SLC9A8: variants seen among roughly 807,000 people sequenced by gnomAD.
SLC9A8 encodes solute carrier family 9 member A8, also known as sodium/hydrogen exchanger 8.
A neutral mutation model predicts 66.6 loss-of-function variants in SLC9A8; 48 were observed. The observed-to-expected ratio is 0.72, with a 90% CI of 0.57 to 0.92. SLC9A8 has a LOEUF of 0.92. Ranked by LOEUF, SLC9A8 falls within the 40% of genes least tolerant of loss-of-function variation. The pLI is 0.00. For missense variants in SLC9A8, 599 were observed against 747.3 expected, an observed-to-expected ratio of 0.80 and a Z score of 2.31; for synonymous variants, 274 against 282.6, an observed-to-expected ratio of 0.97 and a Z score of 0.31.
At chr20:49,843,731 T>C (rs1471162789) in intron 4 of SLC9A8, among the ~76,000 whole-genome samples, 1 of 152,184 alleles carries the variant, frequency 6.6e-6, no homozygotes, top group Non-Finnish European at 1.5e-5. Flanking sequence ...CCTTTCGTAG[T>C]GGCACTTAAT....
intron 3 of SLC9A8, among the ~76,000 whole-genome samples, chr20:49,823,732 T>C (rs1471482188): frequency 6.6e-6 from 1 of 152,164 alleles, no homozygotes; most frequent in East Asian, 1.9e-4. Flanking sequence ...AAGTGGTTAG[T>C]GAAGGAAGAA....
chr20:49,873,439 G>A (rs574097970), intron 10 of SLC9A8, among the ~76,000 whole-genome samples: 55 of 143,572 alleles, frequency 3.8e-4, no homozygotes, highest in African/African-American at 1.4e-3. Flanking sequence ...CTGATACCAC[G>A]CCATTGCACT....
intron 14 of SLC9A8, among the ~76,000 whole-genome samples, chr20:49,885,843 A>G (rs1218858983): frequency 6.6e-6 from 1 of 152,110 alleles, no homozygotes; most frequent in Admixed American, 6.5e-5. Context: ...CCTCTTTACT[A>G]CCACGCTGAT....
intron 12 of SLC9A8, among the ~76,000 whole-genome samples, 165 bp downstream of exon 12, chr20:49,878,228 A>G (rs977036902): frequency 1.1e-4 from 16 of 152,060 alleles, no homozygotes; most frequent in African/African-American, 3.6e-4. Context: ...TCACAAACAT[A>G]CAGTAAGGGG....
chr20:49,812,860 A>G lies in SLC9A8; in HGVS notation c.-63A>G. ...CGCCCGCGCCTCCAGCGGAAGCCGG[A>G]AGCAAAAGCGGGTCCTGCTAGCCCC... On this transcript the variant is annotated 5_prime_UTR_variant, in exon 1 of 16. Coordinates refer to ENST00000361573, the MANE Select transcript of SLC9A8 (RefSeq NM_015266.3). 1.3e-6 allele frequency: 2 copies of G among 1,489,790 alleles called. No individual in the cohort carries two copies. Among genetic ancestry groups the G allele is most frequent in the Non-Finnish European group, 1.8e-6 (2 of 1,121,834 alleles). The allele number at this position is 1,489,790 out of a possible 1,614,324, so 92.3% of individuals were successfully genotyped here.
chr20:49,867,077 C>A (rs996814836), intron 10 of SLC9A8, among the ~76,000 whole-genome samples: 1 of 152,190 alleles, frequency 6.6e-6, no homozygotes, highest in Non-Finnish European at 1.5e-5. Flanking sequence ...TCCGTCATCT[C>A]TGTCAACTGT....
chr20:49,854,702 G>A (rs757857450), intron 7 of SLC9A8, among the ~76,000 whole-genome samples: 8 of 152,256 alleles, frequency 5.3e-5, no homozygotes, highest in Non-Finnish European at 8.8e-5. Flanking sequence ...TCATCATCCC[G>A]TTGTCCCTCG....
At chr20:49,887,488 C>G (rs2089932916) in intron 15 of SLC9A8, among the ~76,000 whole-genome samples, 1 of 152,322 alleles carries the variant, frequency 6.6e-6, no homozygotes, top group East Asian at 1.9e-4. Context: ...TCCCTGACAG[C>G]TGAGGAGATG....
intron 5 of SLC9A8, among the ~76,000 whole-genome samples, 184 bp from the exon 6 acceptor site, chr20:49,849,395 G>T (rs1347063669): frequency 6.6e-6 from 1 of 151,994 alleles, no homozygotes; most frequent in African/African-American, 2.4e-5. Flanking sequence ...TGTGAGTGAC[G>T]GGACACTGCA....
chr20:49,818,907 C>T (rs546584067), intron 2 of SLC9A8, among the ~76,000 whole-genome samples: 280 of 152,294 alleles, frequency 1.8e-3, no homozygotes, highest in Non-Finnish European at 3.3e-3. Context: ...TATTCTAGAC[C>T]TCAGAACTCC....
intron 3 of SLC9A8, 92 bp downstream of exon 3, chr20:49,823,233 C>A: frequency 2.2e-6 from 2 of 911,242 alleles, no homozygotes; most frequent in Non-Finnish European, 3.6e-6. Flanking sequence ...ACAAGAGATG[C>A]ATCACATCCC....
At chr20:49,883,375 G>T (rs918380261) in intron 13 of SLC9A8, among the ~76,000 whole-genome samples, 1 of 152,150 alleles carries the variant, frequency 6.6e-6, no homozygotes, top group Non-Finnish European at 1.5e-5. Flanking sequence ...GAGTGGCCCT[G>T]GGCGGGCCAT....
intron 2 of SLC9A8, 85 bp downstream of exon 2, chr20:49,815,274 G>A: frequency 8.5e-7 from 1 of 1,182,040 alleles, no homozygotes; most frequent in Non-Finnish European, 1.1e-6. Context: ...CACTCCTCTT[G>A]ACTGTCAAGT....
At chr20:49,873,803 C>T (rs1209106818) in intron 10 of SLC9A8, among the ~76,000 whole-genome samples, 1 of 145,226 alleles carries the variant, frequency 6.9e-6, no homozygotes, top group African/African-American at 2.5e-5. Flanking sequence ...AAAGAATCCA[C>T]ACATTCTCCA....
intron 3 of SLC9A8, among the ~76,000 whole-genome samples, chr20:49,831,618 G>A (rs1271627033): frequency 1.3e-5 from 2 of 152,268 alleles, no homozygotes; most frequent in Non-Finnish European, 2.9e-5. Flanking sequence ...CACGTCCCCC[G>A]CTGAATTCTC....
chr20:49,838,002 A>T (rs2087609105), intron 3 of SLC9A8, among the ~76,000 whole-genome samples: 2 of 151,716 alleles, frequency 1.3e-5, no homozygotes, highest in Admixed American at 1.3e-4. Flanking sequence ...ATGATACATT[A>T]TACTACCATA....
intron 8 of SLC9A8, among the ~76,000 whole-genome samples, chr20:49,860,493 G>T (rs2088686575): frequency 6.6e-6 from 1 of 152,058 alleles, no homozygotes; most frequent in South Asian, 2.1e-4. Flanking sequence ...AAGGCAGGTG[G>T]ATCACTTGAG....
chr20:49,830,196 A>G, intron 3 of SLC9A8: 2 of 796,178 alleles, frequency 2.5e-6, no homozygotes, highest in Non-Finnish European at 4.6e-6. Flanking sequence ...GGCAGCTGAC[A>G]GCACGGCCGT....
chr20:49,875,796 G>A lies in SLC9A8; in HGVS notation c.1075+975G>A, dbSNP rs185048234. 1.6e-4 allele frequency among the ~76,000 whole-genome samples: 25 copies of A among 151,796 alleles called. No homozygotes were observed. The East Asian group carries it at 3.9e-3, about 24-fold the overall frequency. On this transcript the variant is annotated intron_variant, in intron 11 of 15. Transcript: ENST00000361573. ...GTCGCCCAGGCTGGGGTGCAGTGGC[G>A]TGATCTCAGCTCACTGCAAGCTCCG... is the stretch of plus-strand genomic sequence containing the variant.
Sources: gnomAD v4.1 joint callset for allele counts (sites outside exome capture counted in the v4.1 genomes callset) on GRCh38, gnomAD v4.1.1 for gene constraint, MANE v1.5 for transcripts, NCBI Gene and HGNC (gene_info 2026-07-23, HGNC 2026-07-21) for gene names.